Variants in CCDC102A observed in about 807,000 individuals in gnomAD.
CCDC102A encodes the protein coiled-coil domain-containing protein 102A.
CCDC102A carries 40 observed loss-of-function variants against 55.5 expected under a neutral mutation model. That is an observed-to-expected ratio of 0.72 (90% confidence interval 0.56 to 0.94). CCDC102A has a LOEUF of 0.94. Ranked by LOEUF, CCDC102A falls within the 40% of genes least tolerant of loss-of-function variation. CCDC102A has a pLI of 0.00. For missense variants in CCDC102A, 779 were observed against 768.6 expected (o/e 1.01, Z -0.16); for synonymous variants, 323 against 339.0 (o/e 0.95, Z 0.52).
intron 4 of CCDC102A, 59 bp downstream of exon 4, chr16:57,521,009 G>T: frequency 9.3e-7 from 1 of 1,074,244 alleles, no homozygotes; most frequent in Non-Finnish European, 1.4e-6. Context: ...CTCCACTACT[G>T]AAATTCAACA....
At chr16:57,520,815 C>T (rs934245390) in intron 4 of CCDC102A, among the ~76,000 whole-genome samples, 13 of 151,496 alleles carry the variant, frequency 8.6e-5, no homozygotes, top group African/African-American at 3.2e-4. Context: ...TGGCGGGTGC[C>T]TGTAATCCCA....
upstream of CCDC102A, among the ~76,000 whole-genome samples, chr16:57,536,760 G>C (rs1343917935): frequency 1.3e-5 from 2 of 152,152 alleles, no homozygotes; most frequent in African/African-American, 4.8e-5. Context: ...GGGCCGGGGC[G>C]GTGGGCTCTG....
At chr16:57,525,376 C>T (rs1598075607) in intron 3 of CCDC102A, among the ~76,000 whole-genome samples, 2 of 152,206 alleles carry the variant, frequency 1.3e-5, no homozygotes, top group Non-Finnish European at 2.9e-5. Flanking sequence ...GCTGGGATTA[C>T]AGGCGTGAGC....
chr16:57,530,249 C>A (rs1384163378), intron 1 of CCDC102A, among the ~76,000 whole-genome samples: 1 of 152,184 alleles, frequency 6.6e-6, no homozygotes, highest in Admixed American at 6.5e-5. Context: ...GCCTCCCCAT[C>A]GCCCAGCACT....
intron 8 of CCDC102A, among the ~76,000 whole-genome samples, chr16:57,513,752 G>A (rs72791607): frequency 0.078 from 11,921 of 152,252 alleles, 603 homozygotes; most frequent in East Asian, 0.19. Flanking sequence ...GCCAGGCATG[G>A]GTCCTGACTT....
At chr16:57,535,833 C>G (rs2032365553) in intron 1 of CCDC102A, among the ~76,000 whole-genome samples, 2 of 152,178 alleles carry the variant, frequency 1.3e-5, no homozygotes, top group Non-Finnish European at 2.9e-5. Context: ...GGCAGACCTC[C>G]CGAACCCAAA....
upstream of CCDC102A, among the ~76,000 whole-genome samples, chr16:57,536,833 G>C (rs2032405314): frequency 1.3e-5 from 2 of 152,194 alleles, no homozygotes; most frequent in South Asian, 4.1e-4. Context: ...AGTTGCGGGG[G>C]GGCTCGGCTT....
chr16:57,525,716 G>A (rs372687241), intron 3 of CCDC102A, among the ~76,000 whole-genome samples, 185 bp downstream of exon 3: 1 of 152,242 alleles, frequency 6.6e-6, no homozygotes, highest in East Asian at 1.9e-4. Flanking sequence ...GCCTGGTAAC[G>A]TATTATTTGA....
Position 57,526,103 on chromosome 16 carries a change from G to T in CCDC102A, c.610C>A (p.Leu204Met). ...SQELELVESLLKSMPEESEDC... is the reference protein window; with the variant it reads ...SQELELVESLMKSMPEESEDC... ...TCAGACTCCTCTGGCATGCTCTTCA[G>T]CAGGCTCTCCACCAGCTCCAGTTCC... Residue 204 changes from leucine (L) to methionine (M), a missense_variant, in exon 3 of 9, where the codon CTG becomes ATG. Transcript: ENST00000258214. 6.4e-7 allele frequency: 1 copy of T among 1,559,164 alleles called. No individual in the cohort carries two copies. The highest frequency in any genetic ancestry group is 1.4e-5 in the African/African-American group (1 of 73,348).
chr16:57,516,648 G>A lies in CCDC102A; in HGVS notation c.1249-185C>T. On this transcript the variant is annotated intron_variant, in intron 6 of 8. Coordinates refer to ENST00000258214, the MANE Select transcript of CCDC102A (RefSeq NM_033212.4). The surrounding 1 kb of genome is among the most constrained non-coding windows in gnomAD (Gnocchi z 4.4). ...TTGGCTGAGCAGCCAGAGGCTGGAG[G>A]TGCCTTCCAGGGAGGTGAGAAGGCT... The A allele has an allele frequency of 1.6e-6, 1 of 614,696 alleles. No homozygotes were observed. Among genetic ancestry groups the A allele is most frequent in the Non-Finnish European group, 2.9e-6 (1 of 347,236 alleles). The allele number at this position is 614,696 out of a possible 1,614,324, so 38.1% of individuals were successfully genotyped here.
At position 57,515,436 on chromosome 16, in the gene CCDC102A, C is replaced by T. The variant is rs1300306251; in HGVS notation, c.1428G>A (p.Glu476=). Residue 476 remains glutamate, a synonymous_variant, in exon 8 of 9, where the codon GAG becomes GAA. Coordinates refer to ENST00000258214, the MANE Select transcript of CCDC102A (RefSeq NM_033212.4). ...ELAQAEDELD[E]AHNQARKLQR... ...GCAGCTTACGTGCCTGGTTGTGGGC[C>T]TCGTCCAGCTGTGGGGGTGAGCAGG... is the stretch of plus-strand genomic sequence containing the variant. 2 of 1,602,266 alleles carry T rather than the reference C, an allele frequency of 1.2e-6. No individual in the cohort carries two copies. The highest frequency in any genetic ancestry group is 2.2e-5 in the South Asian group (2 of 89,312).
chr16:57,527,409 T>C (rs1304852827), intron 2 of CCDC102A, among the ~76,000 whole-genome samples: 3 of 135,288 alleles, frequency 2.2e-5, no homozygotes, highest in Admixed American at 2.1e-4. Flanking sequence ...CTGGCAGACA[T>C]TGCTGCTGCT....
chr16:57,519,591 G>A (rs1204475905), intron 4 of CCDC102A, among the ~76,000 whole-genome samples: 4 of 152,242 alleles, frequency 2.6e-5, no homozygotes, highest in Non-Finnish European at 4.4e-5. Context: ...ACACACGGAT[G>A]AGTTTTCAAC....
At chr16:57,524,068 T>C (rs1239234384) in intron 3 of CCDC102A, among the ~76,000 whole-genome samples, 2 of 152,050 alleles carry the variant, frequency 1.3e-5, no homozygotes, top group East Asian at 3.9e-4. Context: ...TCCCACACAG[T>C]GACGATGGCA....
In CCDC102A at chr16:57,528,973, A is replaced by G; in HGVS notation, c.205T>C (p.Trp69Arg). ...AGCCGCAGCTCCTCGCGGCTCTCCC[A>G]GTCGCCGTCGGCCAGCAGCGCGGGC... ...PAPALLADGD[W>R]ESREELRLRE... Residue 69 changes from tryptophan to arginine, a missense_variant, in exon 2 of 9, where the codon TGG becomes CGG. Transcript: ENST00000258214. 3.9e-6 allele frequency: 5 copies of G among 1,291,708 alleles called. No homozygotes were observed. Among genetic ancestry groups the G allele is most frequent in the Non-Finnish European group, 4.0e-6 (4 of 1,009,576 alleles). The allele number at this position is 1,291,708 out of a possible 1,614,324, so 80.0% of individuals were successfully genotyped here.
chr16:57,534,731 T>C, intron 1 of CCDC102A, among the ~76,000 whole-genome samples: 1 of 152,062 alleles, frequency 6.6e-6, no homozygotes, highest in Non-Finnish European at 1.5e-5. Context: ...TTTGGGAAGG[T>C]TGAGTCATCC....
At position 57,528,600 on chromosome 16, in the gene CCDC102A, C is replaced by G. The variant is rs2032186253; in HGVS notation, c.578G>C (p.Gly193Ala). The change falls in exon 2 of 9, where the codon GGC becomes GCC. Residue 193 changes from glycine (G) to alanine (A), a missense_variant. Coordinates refer to ENST00000258214, the MANE Select transcript of CCDC102A (RefSeq NM_033212.4). The part of the protein sequence containing the change: ...VRDVGSERPP[G>A]SQELELVESL... ...CCCGCCCGCGCCGCGCACCTGGCTG[C>G]CTGGCGGCCTCTCGGACCCGACGTC... 1 of 1,264,216 alleles carries G rather than the reference C, an allele frequency of 7.9e-7. No homozygotes were observed. The highest frequency in any genetic ancestry group is 1.0e-6 in the Non-Finnish European group (1 of 997,554). The allele number at this position is 1,264,216 out of a possible 1,614,324, so 78.3% of individuals were successfully genotyped here. A position where few individuals can be genotyped will look rare whatever the true frequency, so the allele number is the denominator to read the frequency against.
chr16:57,512,711 G>A lies in CCDC102A; in HGVS notation c.*30C>T. 1 of 1,604,750 alleles carries A rather than the reference G, an allele frequency of 6.2e-7. No individual in the cohort carries two copies. On this transcript the variant is annotated 3_prime_UTR_variant, in exon 9 of 9. Coordinates refer to ENST00000258214, the MANE Select transcript of CCDC102A (RefSeq NM_033212.4). Reference sequence around the variant, plus strand: ...AGCCTGGACCCTGGGCAGGTATGGGGCGGCCCATCCTGCCCAGCCACAGGA... The same window carrying A: ...AGCCTGGACCCTGGGCAGGTATGGGACGGCCCATCCTGCCCAGCCACAGGA...
rs2031961433 is a variant in CCDC102A, at chr16:57,516,725, C to T, written c.1249-262G>A. The T allele has an allele frequency of 5.4e-6, 3 of 552,310 alleles. No homozygotes were observed. Among genetic ancestry groups the T allele is most frequent in the East Asian group, 3.1e-5 (1 of 32,202 alleles). 34.2% of individuals were successfully genotyped at this position (552,310 alleles called of 1,614,324 possible). On this transcript the variant is annotated intron_variant, in intron 6 of 8. Transcript: ENST00000258214. The surrounding 1 kb of genome is among the most constrained non-coding windows in gnomAD (Gnocchi z 4.4). ...TTGGATGTGTAACTTTCAGATGCTA[C>T]TGGATCTACCCTGGAGCTGTTGGAG... is the stretch of plus-strand genomic sequence containing the variant.
Sources: gnomAD v4.1 joint callset for allele counts (sites outside exome capture counted in the v4.1 genomes callset) on GRCh38, gnomAD v4.1.1 for gene constraint, Gnocchi (gnomAD v3.1) non-coding constraint, MANE v1.5 for transcripts, NCBI Gene and HGNC (gene_info 2026-07-23, HGNC 2026-07-21) for gene names.